Variants in ARHGEF3 observed in about 807,000 individuals in gnomAD.
The protein encoded by ARHGEF3 is 59.8 kDA protein.
In ARHGEF3, 28 loss-of-function variants were observed where a neutral mutation model predicts 63.2. That is an observed-to-expected ratio of 0.44 (90% CI 0.33 to 0.61). The LOEUF is 0.61. Ranked by LOEUF, ARHGEF3 falls within the 20% of genes least tolerant of loss-of-function variation. The pLI is 0.03. For synonymous variants in ARHGEF3, 266 were observed against 254.2 expected, an observed-to-expected ratio of 1.05 and a Z score of -0.44; for missense variants, 533 against 659.3, an observed-to-expected ratio of 0.81 and a Z score of 2.10.
intron 4 of ARHGEF3, among the ~76,000 whole-genome samples, chr3:56,847,677 A>G (rs555060203): frequency 6.6e-6 from 1 of 152,274 alleles, no homozygotes; most frequent in East Asian, 1.9e-4. Flanking sequence ...TCCCAGGTTC[A>G]AGAGATTCTC....
At chr3:56,773,901 C>T in intron 1 of ARHGEF3, 85 bp from the exon 2 acceptor site, 1 of 1,091,948 alleles carries the variant, frequency 9.2e-7, no homozygotes, top group Non-Finnish European at 1.3e-6. Flanking sequence ...GTGTTCCACT[C>T]CACAAGGTAC....
At chr3:56,759,113 AGTTT>A (rs2035268505) in intron 2 of ARHGEF3, among the ~76,000 whole-genome samples, 1 of 152,158 alleles carries the variant, frequency 6.6e-6, no homozygotes, top group East Asian at 1.9e-4. Flanking sequence ...ACAACTGTTA[AGTTT>A]GTTCTAGCTC....
intron 2 of ARHGEF3, among the ~76,000 whole-genome samples, chr3:56,756,153 G>A (rs2035054869): frequency 6.6e-6 from 1 of 152,206 alleles, no homozygotes; most frequent in African/African-American, 2.4e-5. Context: ...TGCTTTTCAT[G>A]ACAAATACAA....
In ARHGEF3 at chr3:56,731,821, G is replaced by C. The variant is rs2107681981; in HGVS notation, c.1228+417C>G. On this transcript the variant is annotated intron_variant, in intron 9 of 9. Coordinates refer to ENST00000296315, the MANE Select transcript of ARHGEF3 (RefSeq NM_019555.3). The stretch of plus-strand genomic sequence containing the variant: ...TTACAGATGAATCCACATTCCAGTT[G>C]ACCATTCTTATGTCTCTTTAGGGAC... 1.1e-5 allele frequency: 3 copies of C among 265,688 alleles called. No homozygotes were observed. The South Asian group carries it at 2.2e-4, about 20-fold the overall frequency. 16.5% of individuals were successfully genotyped at this position (265,688 alleles called of 1,614,324 possible). A position where few individuals can be genotyped will look rare whatever the true frequency, so the allele number is the denominator to read the frequency against.
At chr3:56,793,430 A>G (rs1054338783) in intron 1 of ARHGEF3, among the ~76,000 whole-genome samples, 1 of 152,148 alleles carries the variant, frequency 6.6e-6, no homozygotes, top group African/African-American at 2.4e-5. Context: ...CGGCTGCCCA[A>G]AGTGCTGGGA....
At chr3:56,852,730 A>G (rs1384687316) in intron 4 of ARHGEF3, among the ~76,000 whole-genome samples, 2 of 151,928 alleles carry the variant, frequency 1.3e-5, no homozygotes, top group Non-Finnish European at 2.9e-5. Flanking sequence ...ATAATATGCC[A>G]TTCTTAATGG....
At chr3:56,862,184 A>C (rs1578703101) in intron 4 of ARHGEF3, among the ~76,000 whole-genome samples, 1 of 127,342 alleles carries the variant, frequency 7.9e-6, no homozygotes, top group South Asian at 2.9e-4. Flanking sequence ...TGGGAGGGGG[A>C]GCAGGGTCAG....
At chr3:57,057,876 G>A (rs1397555425) in intron 1 of ARHGEF3, among the ~76,000 whole-genome samples, 1 of 152,188 alleles carries the variant, frequency 6.6e-6, no homozygotes, top group Non-Finnish European at 1.5e-5. Context: ...TGCTCTCACT[G>A]ATTTTACTGT....
chr3:56,810,375 C>T (rs996135878), intron 4 of ARHGEF3, among the ~76,000 whole-genome samples: 1 of 151,920 alleles, frequency 6.6e-6, no homozygotes, highest in Admixed American at 6.6e-5. Context: ...GAAACCCTGT[C>T]GCTACAAAAA....
Position 56,755,069 on chromosome 3 carries a change from G to A in ARHGEF3, c.287C>T (p.Thr96Met), listed in dbSNP as rs144809134. 6.9e-5 allele frequency: 112 copies of A among 1,613,952 alleles called. No individual in the cohort carries two copies. The highest frequency in any genetic ancestry group is 8.6e-5 in the Non-Finnish European group (101 of 1,180,026). The change falls in exon 3 of 10, where the codon ACG (threonine) becomes ATG (methionine). Residue 96 changes from threonine (T) to methionine (M), a missense_variant. Thr to Met is a moderately conservative substitution (Grantham distance 81). Coordinates refer to ENST00000296315, the MANE Select transcript of ARHGEF3 (RefSeq NM_019555.3). Reference sequence around the variant, plus strand: ...CCACAGCTTGCTATCTCTCCGTTTCGTGCTCGAGGGGGCGGCATTTCTGGA... The same window carrying A: ...CCACAGCTTGCTATCTCTCCGTTTCATGCTCGAGGGGGCGGCATTTCTGGA... Reference protein sequence around the residue: ...PWSRNAAPSSTKRRDSKLWSE... With the variant: ...PWSRNAAPSSMKRRDSKLWSE...
chr3:57,011,714 G>A (rs1447931776), intron 2 of ARHGEF3, among the ~76,000 whole-genome samples: 1 of 152,198 alleles, frequency 6.6e-6, no homozygotes, highest in Non-Finnish European at 1.5e-5. Flanking sequence ...TTATTTACCT[G>A]CTGTGTGACC....
chr3:56,874,727 C>G (rs919962592), intron 4 of ARHGEF3, among the ~76,000 whole-genome samples: 3 of 152,190 alleles, frequency 2.0e-5, no homozygotes, highest in African/African-American at 4.8e-5. Context: ...AAACATCATT[C>G]AGCACTGAAA....
rs1185397134 is a variant in ARHGEF3, at chr3:56,966,468, A to G, written c.63-7579T>C. On this transcript the variant is annotated intron_variant, in intron 2 of 12. Coordinates refer to the ARHGEF3 transcript ENST00000338458. Reference sequence around the variant, plus strand: ...ATATATTGTGGATTTATTGCATATAATGAACATAATGCAGATTATAATAAC... The same window carrying G: ...ATATATTGTGGATTTATTGCATATAGTGAACATAATGCAGATTATAATAAC... Among the ~76,000 whole-genome samples the G allele has an allele frequency of 7.2e-5, 11 of 152,216 alleles. No homozygotes were observed. The East Asian group carries it at 2.1e-3, about 29-fold the overall frequency.
rs1202456724 is a variant in ARHGEF3 at position 56,801,728 on chromosome 3, G to A, written c.71C>T (p.Ala24Val). The A allele has an allele frequency of 1.9e-6, 3 of 1,565,714 alleles. No individual in the cohort carries two copies. Among genetic ancestry groups the A allele is most frequent in the South Asian group, 1.2e-5 (1 of 85,126 alleles). ...CTCAGCGTCCTTGGCCGGACCGCTG[G>A]CCGGGGGTAGCTCCAGGCTGCAGTT... Reference protein sequence around the residue: ...RANCSLELPPASGPAKDAEEP... With the variant: ...RANCSLELPPVSGPAKDAEEP... The change falls in exon 1 of 10, where the codon GCC becomes GTC. Residue 24 changes from alanine (A) to valine (V), a missense_variant. Physicochemically the swap from Ala to Val is moderately conservative, Grantham distance 64. Around this residue, in one of 4 missense-constraint regions of ARHGEF3, gnomAD observed 160 missense variants for 157.3 expected, o/e 1.02. Transcript: ENST00000296315.
chr3:56,752,675 G>A (rs1192820394), intron 4 of ARHGEF3, among the ~76,000 whole-genome samples: 1 of 152,234 alleles, frequency 6.6e-6, no homozygotes, highest in Non-Finnish European at 1.5e-5. Context: ...AAATCTTGAT[G>A]CAGGAAAGGG....
chr3:57,039,083 C>G (rs1055287543), intron 1 of ARHGEF3, among the ~76,000 whole-genome samples: 3 of 151,734 alleles, frequency 2.0e-5, no homozygotes, highest in Non-Finnish European at 4.4e-5. Flanking sequence ...TAAAGTTCAT[C>G]AGTATTTCCC....
chr3:56,763,068 G>A (rs1368206973), intron 2 of ARHGEF3, among the ~76,000 whole-genome samples: 1 of 152,102 alleles, frequency 6.6e-6, no homozygotes, highest in African/African-American at 2.4e-5. Flanking sequence ...CATGGATTTG[G>A]GTGAAGAACA....
At chr3:56,809,721 A>AT (rs567135036) in intron 4 of ARHGEF3, among the ~76,000 whole-genome samples, 118 of 149,996 alleles carry the variant, frequency 7.9e-4, no homozygotes, top group African/African-American at 2.8e-3. Flanking sequence ...TTTTTAAAAT[A>AT]TTTTTTACTT....
intron 1 of ARHGEF3, among the ~76,000 whole-genome samples, chr3:57,065,050 G>A (rs1395290164): frequency 1.3e-5 from 2 of 152,364 alleles, no homozygotes; most frequent in African/African-American, 4.8e-5. Context: ...TATAACTGTA[G>A]GGAGAAGTAG....
Sources: allele counts gnomAD v4.1 joint callset (sites outside exome capture counted in the v4.1 genomes callset), GRCh38; gene constraint gnomAD v4.1.1; regional missense constraint gnomAD v4.1.1; transcripts MANE v1.5; gene names NCBI Gene and HGNC (gene_info 2026-07-23, HGNC 2026-07-21).